The following CSNK1G1 variants were observed in gnomAD, a reference collection of about 807,000 sequenced individuals.
CSNK1G1 encodes the protein casein kinase 1 gamma 1.
CSNK1G1 carries 22 observed loss-of-function variants against 59.6 expected under a neutral mutation model. That is an observed-to-expected ratio of 0.37 (90% confidence interval 0.26 to 0.53). The LOEUF (loss-of-function observed/expected upper bound fraction) is 0.53, where lower values mean the gene tolerates loss of function less well. CSNK1G1 is among the 20% of genes least tolerant of loss of function. The pLI, the probability that CSNK1G1 is intolerant of heterozygous loss-of-function variation, is 0.89. For synonymous variants in CSNK1G1, 179 were observed against 177.1 expected, an observed-to-expected ratio of 1.01 and a Z score of -0.08; for missense variants, 384 against 519.5, an observed-to-expected ratio of 0.74 and a Z score of 2.54.
chr15:64,317,250 G>A (rs569626058), intron 1 of CSNK1G1, among the ~76,000 whole-genome samples: 15 of 152,032 alleles, frequency 9.9e-5, no homozygotes, highest in Non-Finnish European at 1.6e-4. Context: ...CACTACGCCC[G>A]GCTAATTTTT....
chr15:64,179,343 C>T (rs1309831318), intron 11 of CSNK1G1, among the ~76,000 whole-genome samples: 1 of 152,028 alleles, frequency 6.6e-6, no homozygotes, highest in Non-Finnish European at 1.5e-5. Flanking sequence ...GAATGCAGGT[C>T]TCAGTGGCAT....
chr15:64,313,354 T>A (rs554216504), intron 1 of CSNK1G1, among the ~76,000 whole-genome samples: 1 of 152,242 alleles, frequency 6.6e-6, no homozygotes, highest in South Asian at 2.1e-4. Flanking sequence ...CCAACCCCAA[T>A]GTCCATCAAT....
chr15:64,252,248 T>C (rs558769425), intron 3 of CSNK1G1, among the ~76,000 whole-genome samples: 24 of 152,058 alleles, frequency 1.6e-4, no homozygotes, highest in African/African-American at 4.8e-4. Flanking sequence ...AATAAACGTG[T>C]ATAATTTCTT....
chr15:64,225,651 A>G (rs1412617575), intron 4 of CSNK1G1, among the ~76,000 whole-genome samples: 1 of 151,888 alleles, frequency 6.6e-6, no homozygotes, highest in Non-Finnish European at 1.5e-5. Flanking sequence ...TGTTGAACAG[A>G]GTTTCACTCG....
rs2081930033 is a variant in CSNK1G1, at chr15:64,188,692, T to C, written c.1108-8238A>G. ...TAATGAGTCAATACATGAATCTATA[T>C]CACACCCTCCTTACCCAGAACCAGA... is the stretch of plus-strand genomic sequence containing the variant. On this transcript the variant is annotated intron_variant, in intron 10 of 11. Transcript: ENST00000303052. The surrounding 1 kb of genome is among the most constrained non-coding windows in gnomAD (Gnocchi z 4.2). Among the ~76,000 whole-genome samples the C allele has an allele frequency of 6.6e-6, 1 of 152,110 alleles. No individual in the cohort carries two copies. The highest frequency in any genetic ancestry group is 1.9e-4 in the East Asian group (1 of 5,188).
In CSNK1G1 at chr15:64,210,472, T is replaced by C. The variant is rs112602291; in HGVS notation, c.680-2878A>G. On this transcript the variant is annotated intron_variant, in intron 6 of 11. Coordinates refer to ENST00000303052, the MANE Select transcript of CSNK1G1 (RefSeq NM_022048.5). The surrounding 1 kb of genome is among the most constrained non-coding windows in gnomAD (Gnocchi z 4.2). ...GCCCTCATTTTTTCATGCAGCATAT[T>C]TTCATTTTCAAAGAAGAAAGGTTTC... Among the ~76,000 whole-genome samples the C allele has an allele frequency of 3.4e-3, 512 of 152,318 alleles. 1 individual carries two copies. The highest frequency in any genetic ancestry group is 6.3e-3 in the Non-Finnish European group (429 of 68,034).
chr15:64,191,892 ACTGTTTT>A (rs1054085117), intron 10 of CSNK1G1, among the ~76,000 whole-genome samples: 4 of 152,232 alleles, frequency 2.6e-5, no homozygotes, highest in African/African-American at 4.8e-5. Flanking sequence ...TTCTAGGGCT[ACTGTTTT>A]CTGGAATTTA....
intron 2 of CSNK1G1, among the ~76,000 whole-genome samples, chr15:64,262,109 A>T (rs1892726855): frequency 6.6e-6 from 1 of 152,176 alleles, no homozygotes; most frequent in Admixed American, 6.5e-5. Context: ...TAACTAGAAA[A>T]ATAAGAGAAC....
chr15:64,300,669 G>A lies in CSNK1G1; in HGVS notation c.-170C>T, dbSNP rs989230056. On this transcript the variant is annotated 5_prime_UTR_variant, in exon 2 of 12. Transcript: ENST00000303052. ...CCGGGAGATGAAAAACCATTTATTT[G>A]TTCCCGTAGGAAATGTAGTCACTAG... is the stretch of plus-strand genomic sequence containing the variant. The A allele has an allele frequency of 5.8e-5, 74 of 1,282,100 alleles. No homozygotes were observed. Among genetic ancestry groups the A allele is most frequent in the East Asian group, 8.7e-5 (3 of 34,326 alleles). 79.4% of individuals were successfully genotyped at this position (1,282,100 alleles called of 1,614,324 possible).
At chr15:64,317,215 T>C (rs1156527253) in intron 1 of CSNK1G1, among the ~76,000 whole-genome samples, 1 of 152,066 alleles carries the variant, frequency 6.6e-6, no homozygotes, top group Non-Finnish European at 1.5e-5. Flanking sequence ...CAGCCTCCTA[T>C]GTAGCCGGGA....
intron 3 of CSNK1G1, among the ~76,000 whole-genome samples, chr15:64,253,087 G>GT (rs1308598379): frequency 7.2e-5 from 11 of 152,130 alleles, no homozygotes. Flanking sequence ...GCTCATGCCT[G>GT]TAATCCCAGC....
chr15:64,186,448 C>A (rs1041645124), intron 10 of CSNK1G1, among the ~76,000 whole-genome samples: 1 of 152,158 alleles, frequency 6.6e-6, no homozygotes, highest in Admixed American at 6.6e-5. Context: ...TAACACACAT[C>A]CTCATGTGGC....
chr15:64,177,953 G>A (rs1388690729), intron 11 of CSNK1G1, among the ~76,000 whole-genome samples: 1 of 152,198 alleles, frequency 6.6e-6, no homozygotes, highest in Non-Finnish European at 1.5e-5. Context: ...AACAGGTACG[G>A]CCATCCTTCA....
intron 10 of CSNK1G1, among the ~76,000 whole-genome samples, chr15:64,195,368 A>G (rs1048917497): frequency 1.3e-5 from 2 of 152,202 alleles, no homozygotes; most frequent in Non-Finnish European, 2.9e-5. Flanking sequence ...CCACCATAAT[A>G]AAAGAGGTCA....
At chr15:64,288,118 A>G (rs1894526886) in intron 2 of CSNK1G1, among the ~76,000 whole-genome samples, 1 of 152,218 alleles carries the variant, frequency 6.6e-6, no homozygotes, top group African/African-American at 2.4e-5. Context: ...TGAAAGGTAT[A>G]TTGATAACTA....
chr15:64,187,632 G>C (rs1209751656), intron 10 of CSNK1G1, among the ~76,000 whole-genome samples: 1 of 152,152 alleles, frequency 6.6e-6, no homozygotes, highest in Non-Finnish European at 1.5e-5. Context: ...CTACCAAGAT[G>C]CATTTCTACA....
intron 10 of CSNK1G1, among the ~76,000 whole-genome samples, chr15:64,199,250 C>CAAAAAAAAAAAAAAAAAAA (rs56819260): frequency 1.9e-3 from 97 of 51,980 alleles, no homozygotes; most frequent in Admixed American, 2.4e-3. Flanking sequence ...AATCTTTTCT[C>CAAAAAAAAAAAAAAAAAAA]AAAAAAAAAA....
intron 10 of CSNK1G1, among the ~76,000 whole-genome samples, chr15:64,191,886 A>C (rs1256306697): frequency 6.6e-6 from 1 of 152,216 alleles, no homozygotes; most frequent in East Asian, 1.9e-4. Flanking sequence ...GTTAAATTCT[A>C]GGGCTACTGT....
chr15:64,259,458 C>T (rs1459888931), intron 2 of CSNK1G1, among the ~76,000 whole-genome samples: 2 of 148,544 alleles, frequency 1.3e-5, no homozygotes, highest in Non-Finnish European at 3.0e-5. Context: ...TGAGAATTTT[C>T]CTAAAAGAGA....
Sources: gnomAD v4.1 joint callset for allele counts (sites outside exome capture counted in the v4.1 genomes callset) on GRCh38, gnomAD v4.1.1 for gene constraint, Gnocchi (gnomAD v3.1) non-coding constraint, MANE v1.5 for transcripts, NCBI Gene and HGNC (gene_info 2026-07-23, HGNC 2026-07-21) for gene names.